GRK4: variants seen among roughly 807,000 people sequenced by gnomAD.
GRK4 encodes the protein G protein-coupled receptor kinase 2-like.
Under a neutral mutation model 77.9 loss-of-function variants are expected in GRK4, and 73 were observed. The observed-to-expected ratio is 0.94, with a 90% CI of 0.78 to 1.14. The LOEUF (loss-of-function observed/expected upper bound fraction) is 1.14, where lower values mean the gene tolerates loss of function less well. GRK4 is among the 50% of genes most tolerant of loss of function. The pLI is 0.00. For missense variants in GRK4, 729 were observed against 700.2 expected, an observed-to-expected ratio of 1.04 and a Z score of -0.46; for synonymous variants, 257 against 254.4, an observed-to-expected ratio of 1.01 and a Z score of -0.10.
intron 1 of GRK4, among the ~76,000 whole-genome samples, chr4:2,981,724 C>T (rs745646650): frequency 2.6e-5 from 4 of 152,186 alleles, no homozygotes; most frequent in African/African-American, 2.4e-5. Context: ...ACTGGCAGCC[C>T]GGCTGTCAGG....
At chr4:3,019,516 A>G (rs1735486830) in intron 8 of GRK4, 125 bp from the exon 9 acceptor site, 1 of 832,520 alleles carries the variant, frequency 1.2e-6, no homozygotes, top group Non-Finnish European at 1.9e-6. Context: ...TCTCTGAAAC[A>G]TATAGTATTC....
At chr4:3,031,643 G>C (rs1181148480) in intron 12 of GRK4, among the ~76,000 whole-genome samples, 1 of 152,202 alleles carries the variant, frequency 6.6e-6, no homozygotes, top group African/African-American at 2.4e-5. Context: ...GGCAAAGCAT[G>C]GTCCAAGTTG....
intron 2 of GRK4, 148 bp from the exon 3 acceptor site, chr4:2,988,579 C>T: frequency 2.3e-6 from 1 of 438,132 alleles, no homozygotes. Flanking sequence ...CTGAAACAAA[C>T]AACAACAACA....
chr4:3,002,967 A>T (rs189606301), intron 4 of GRK4, among the ~76,000 whole-genome samples: 1 of 152,312 alleles, frequency 6.6e-6, no homozygotes, highest in Admixed American at 6.5e-5. Flanking sequence ...CAGCATTTGT[A>T]AGTGTGCACT....
At position 2,980,591 on chromosome 4, in the gene GRK4, G is replaced by T. The variant is rs12645113; in HGVS notation, c.53-3922G>T. Among the ~76,000 whole-genome samples the T allele has an allele frequency of 7.8e-4, 118 of 151,616 alleles. 1 individual carries two copies. The East Asian group carries it at 0.02, about 26-fold the overall frequency. ...CTCACTGGAAGCCTTGTCTTCCTTG[G>T]GCCCATCTGTGAGGAGCAGAACAGC... On this transcript the variant is annotated intron_variant, in intron 1 of 15. Coordinates refer to ENST00000398052, the MANE Select transcript of GRK4 (RefSeq NM_182982.3).
intron 8 of GRK4, among the ~76,000 whole-genome samples, chr4:3,018,121 T>C (rs1735072435): frequency 1.3e-5 from 2 of 151,632 alleles, no homozygotes; most frequent in Non-Finnish European, 2.9e-5. Flanking sequence ...ATATTGCCCA[T>C]GCTGGTCTGG....
chr4:3,005,193 G>A (rs1028384795), intron 5 of GRK4, among the ~76,000 whole-genome samples: 2 of 151,872 alleles, frequency 1.3e-5, no homozygotes, highest in African/African-American at 4.8e-5. Flanking sequence ...AGGTGATCAG[G>A]CCCAAAATCT....
At chr4:3,000,495 T>C (rs949756231) in intron 4 of GRK4, among the ~76,000 whole-genome samples, 1 of 152,174 alleles carries the variant, frequency 6.6e-6, no homozygotes, top group Non-Finnish European at 1.5e-5. Flanking sequence ...CCTGGAACAA[T>C]GCATATTTGT....
chr4:3,039,570 T>C (rs1463925865), intron 15 of GRK4, among the ~76,000 whole-genome samples: 2 of 151,814 alleles, frequency 1.3e-5, no homozygotes, highest in African/African-American at 4.8e-5. Flanking sequence ...TGGTGGCATG[T>C]GCCTGTAATC....
At chr4:2,985,103 A>G (rs1310248324) in intron 2 of GRK4, among the ~76,000 whole-genome samples, 1 of 152,056 alleles carries the variant, frequency 6.6e-6, no homozygotes, top group East Asian at 1.9e-4. Flanking sequence ...ACAGTTTTCT[A>G]TGCACGTTTT....
At position 2,963,709 on chromosome 4, in the gene GRK4, A is replaced by G. The variant is rs2109330870; in HGVS notation, c.-362A>G. ...CTGTCCGAAGTGAGCCACGGCATTGACTCGGGGCTGCCCGGGGGCAGGGCA... is the reference window on the plus strand; with the variant it reads ...CTGTCCGAAGTGAGCCACGGCATTGGCTCGGGGCTGCCCGGGGGCAGGGCA... On this transcript the variant is annotated 5_prime_UTR_variant, in exon 1 of 16. Coordinates refer to ENST00000398052, the MANE Select transcript of GRK4 (RefSeq NM_182982.3). 1 of 381,200 alleles carries G rather than the reference A, an allele frequency of 2.6e-6. No individual in the cohort carries two copies. Among genetic ancestry groups the G allele is most frequent in the East Asian group, 5.3e-5 (1 of 18,888 alleles). 23.6% of individuals were successfully genotyped at this position (381,200 alleles called of 1,614,324 possible).
At chr4:2,968,618 C>T (rs550645555) in intron 1 of GRK4, among the ~76,000 whole-genome samples, 7 of 152,206 alleles carry the variant, frequency 4.6e-5, no homozygotes, top group Non-Finnish European at 7.4e-5. Context: ...TTCAGAAATT[C>T]CTGCCATTCT....
intron 12 of GRK4, among the ~76,000 whole-genome samples, chr4:3,033,338 A>G (rs1260651224): frequency 6.6e-6 from 1 of 152,230 alleles, no homozygotes; most frequent in African/African-American, 2.4e-5. Flanking sequence ...CAGGAATCCC[A>G]TTCACGAGGG....
At position 2,963,604 on chromosome 4, in the gene GRK4, C is replaced by T. The variant is rs969151919; in HGVS notation, c.-467C>T. On this transcript the variant is annotated 5_prime_UTR_variant, in exon 1 of 16. Transcript: ENST00000398052. ...CCGGCCGCGGCGGCGAGGGGCGCTC[C>T]CTCTTCAGCTAAGCCGTTAGCGCCG... 7 of 432,132 alleles carry T rather than the reference C, an allele frequency of 1.6e-5. No homozygotes were observed. The highest frequency in any genetic ancestry group is 4.2e-5 in the African/African-American group (2 of 47,868). 26.8% of individuals were successfully genotyped at this position (432,132 alleles called of 1,614,324 possible).
Position 3,013,755 on chromosome 4 carries a change from TAAAG to T in GRK4, c.671_674del (p.Lys224ArgfsTer9). The stretch of plus-strand genomic sequence containing the variant: ...TGCAAAAAGCTACAAAAAAAAAGAA[TAAAG>T]AAGAGGAAAGGTGAAGCTATGGCTC... On this transcript the variant is annotated frameshift_variant, in exon 8 of 16. Coordinates refer to ENST00000398052, the MANE Select transcript of GRK4 (RefSeq NM_182982.3). LOFTEE classifies it high-confidence loss of function. 6.2e-7 allele frequency: 1 copy of T among 1,613,316 alleles called. No individual in the cohort carries two copies. The highest frequency in any genetic ancestry group is 1.3e-5 in the African/African-American group (1 of 74,962).
At chr4:3,001,235 G>GTGTATATATATACATATA (rs1360877355) in intron 4 of GRK4, among the ~76,000 whole-genome samples, 1 of 138,082 alleles carries the variant, frequency 7.2e-6, no homozygotes, top group Non-Finnish European at 1.5e-5. Flanking sequence ...ATATGTGTAT[G>GTGTATATATATACATATA]TGTATATATA....
chr4:2,991,595 C>T (rs1376553469), intron 3 of GRK4, among the ~76,000 whole-genome samples: 17 of 152,212 alleles, frequency 1.1e-4, no homozygotes, highest in Admixed American at 1.1e-3. Flanking sequence ...ACTGCAACCT[C>T]CGCCTCCTGG....
chr4:2,967,903 G>A lies in GRK4; in HGVS notation c.52+3781G>A, dbSNP rs571582658. ...CCTCCCGGGTTCAAGAAATTCTCCT[G>A]CCTCAGTCTCCCGAGTAGCTGGGAT... is the stretch of plus-strand genomic sequence containing the variant. On this transcript the variant is annotated intron_variant, in intron 1 of 15. Transcript: ENST00000398052. Among the ~76,000 whole-genome samples, 8 of 152,096 alleles carry A rather than the reference G, an allele frequency of 5.3e-5. No individual in the cohort carries two copies. In the East Asian group the frequency reaches 1.5e-3, roughly 29 times the overall value.
chr4:2,975,901 T>C (rs1022255928), intron 1 of GRK4, among the ~76,000 whole-genome samples: 4 of 152,212 alleles, frequency 2.6e-5, no homozygotes, highest in Admixed American at 2.6e-4. Flanking sequence ...ATTGAGTCAG[T>C]CCTGCTAAAG....
Sources: gnomAD v4.1 joint callset for allele counts (sites outside exome capture counted in the v4.1 genomes callset) on GRCh38, gnomAD v4.1.1 for gene constraint, MANE v1.5 for transcripts, NCBI Gene and HGNC (gene_info 2026-07-23, HGNC 2026-07-21) for gene names.